The following SH3RF1 variants were observed in gnomAD, a reference collection of about 807,000 sequenced individuals.
The protein encoded by SH3RF1 is E3 ubiquitin-protein ligase SH3RF1.
A neutral mutation model predicts 74.0 loss-of-function variants in SH3RF1; 32 were observed. The observed-to-expected ratio is 0.43, with a 90% CI of 0.33 to 0.58. The LOEUF (loss-of-function observed/expected upper bound fraction) is 0.58, where lower values mean the gene tolerates loss of function less well. SH3RF1 is among the 20% of genes least tolerant of loss of function. The pLI is 0.05. For missense variants in SH3RF1, 954 were observed against 1,130.9 expected (o/e 0.84, Z 2.24); for synonymous variants, 396 against 439.6 (o/e 0.90, Z 1.24).
At chr4:169,183,383 T>TG (rs1734546566) in intron 2 of SH3RF1, among the ~76,000 whole-genome samples, 2 of 152,032 alleles carry the variant, frequency 1.3e-5, no homozygotes, top group African/African-American at 4.8e-5. Context: ...CGGGTTCAAG[T>TG]GATTCTCCTG....
At chr4:169,164,725 G>A (rs1316300360) in intron 2 of SH3RF1, among the ~76,000 whole-genome samples, 4 of 152,196 alleles carry the variant, frequency 2.6e-5, no homozygotes, top group Non-Finnish European at 5.9e-5. Context: ...GGGCAGTTGA[G>A]TGTCTTATAC....
chr4:169,098,905 C>T (rs931025674), intron 11 of SH3RF1, among the ~76,000 whole-genome samples: 1 of 152,144 alleles, frequency 6.6e-6, no homozygotes, highest in Admixed American at 6.5e-5. Flanking sequence ...AATATTAGCT[C>T]CCATTATGAT....
chr4:169,128,313 T>A (rs560316140), intron 6 of SH3RF1, among the ~76,000 whole-genome samples: 1 of 152,194 alleles, frequency 6.6e-6, no homozygotes, highest in African/African-American at 2.4e-5. Flanking sequence ...GAAACCAAAT[T>A]TCACTAAAAG....
chr4:169,146,054 A>G (rs111361208), intron 4 of SH3RF1, among the ~76,000 whole-genome samples: 1 of 98,498 alleles, frequency 1.0e-5, no homozygotes, highest in Admixed American at 9.0e-5. Context: ...TATATAAAAT[A>G]TTATATATTC....
At chr4:169,150,151 T>TA (rs1478980908) in intron 4 of SH3RF1, among the ~76,000 whole-genome samples, 2 of 152,196 alleles carry the variant, frequency 1.3e-5, no homozygotes, top group Non-Finnish European at 2.9e-5. Context: ...TTCTAGAAAG[T>TA]GAATACAACT....
intron 11 of SH3RF1, among the ~76,000 whole-genome samples, 199 bp downstream of exon 11, chr4:169,106,648 C>T (rs1733143741): frequency 1.3e-5 from 2 of 152,020 alleles, no homozygotes; most frequent in African/African-American, 4.8e-5. Context: ...GGGACCAACC[C>T]ATTAAGAAAC....
intron 2 of SH3RF1, chr4:169,166,912 T>C (rs1734255016): frequency 7.4e-6 from 2 of 270,546 alleles, no homozygotes; most frequent in African/African-American, 2.2e-5. Flanking sequence ...TGTTGCTTAC[T>C]TCAAGAAGAG....
At chr4:169,158,422 A>G (rs926418506) in intron 2 of SH3RF1, among the ~76,000 whole-genome samples, 1 of 152,212 alleles carries the variant, frequency 6.6e-6, no homozygotes, top group African/African-American at 2.4e-5. Flanking sequence ...GTATTCCTGG[A>G]TAAGAATTAC....
chr4:169,201,566 T>C (rs141814650), intron 2 of SH3RF1, among the ~76,000 whole-genome samples: 16 of 152,340 alleles, frequency 1.1e-4, no homozygotes, highest in African/African-American at 2.9e-4. Flanking sequence ...AGTGTGTTCA[T>C]CTCAAATCTA....
At chr4:169,103,664 T>G (rs561654319) in intron 11 of SH3RF1, among the ~76,000 whole-genome samples, 1 of 152,218 alleles carries the variant, frequency 6.6e-6, no homozygotes, top group Non-Finnish European at 1.5e-5. Flanking sequence ...CATTTTCCTA[T>G]ATGTTACCGC....
intron 2 of SH3RF1, among the ~76,000 whole-genome samples, chr4:169,234,624 G>A (rs1245892390): frequency 2.0e-5 from 3 of 152,144 alleles, no homozygotes; most frequent in African/African-American, 7.2e-5. Context: ...TCACAGCACA[G>A]CTTTGGTAGA....
intron 11 of SH3RF1, among the ~76,000 whole-genome samples, chr4:169,101,321 AC>A (rs1406024645): frequency 2.0e-5 from 3 of 152,244 alleles, no homozygotes; most frequent in African/African-American, 4.8e-5. Context: ...ACAGGGATGA[AC>A]CTTGCAAACG....
intron 10 of SH3RF1, among the ~76,000 whole-genome samples, chr4:169,109,840 T>C (rs1733210080): frequency 6.7e-6 from 1 of 150,122 alleles, no homozygotes; most frequent in Admixed American, 6.6e-5. Context: ...GGAAACCCTG[T>C]CTCTACAAAA....
rs1732890675 is a variant in SH3RF1, at chr4:169,095,011, T to C, written c.*1508A>G. The C allele has an allele frequency of 6.6e-6, 1 of 152,616 alleles. No homozygotes were observed. Among genetic ancestry groups the C allele is most frequent in the Non-Finnish European group, 1.5e-5 (1 of 68,028 alleles). The allele number at this position is 152,616 out of a possible 1,614,324, so 9.5% of individuals were successfully genotyped here. A position where few individuals can be genotyped will look rare whatever the true frequency, so the allele number is the denominator to read the frequency against. On this transcript the variant is annotated 3_prime_UTR_variant, in exon 12 of 12. Transcript: ENST00000284637. ...ACCAGGCTGTCTTCCCTCCTTTTGTTTTCCGGACTACCCAGATCCATGACT... is the reference window on the plus strand; with the variant it reads ...ACCAGGCTGTCTTCCCTCCTTTTGTCTTCCGGACTACCCAGATCCATGACT...
intron 2 of SH3RF1, among the ~76,000 whole-genome samples, chr4:169,184,864 G>A (rs531225346): frequency 6.6e-6 from 1 of 152,140 alleles, no homozygotes; most frequent in Non-Finnish European, 1.5e-5. Flanking sequence ...AGACAGCAGT[G>A]GGCAAGATTA....
intron 11 of SH3RF1, among the ~76,000 whole-genome samples, chr4:169,104,901 CAAA>C (rs35396121): frequency 2.2e-5 from 2 of 89,116 alleles, no homozygotes; most frequent in Non-Finnish European, 2.3e-5. Context: ...ACTCCCATCT[CAAA>C]AAAAAAAAAA....
At chr4:169,143,603 C>T (rs374594344) in intron 4 of SH3RF1, among the ~76,000 whole-genome samples, 4 of 152,124 alleles carry the variant, frequency 2.6e-5, no homozygotes, top group African/African-American at 4.8e-5. Flanking sequence ...ACATTTCTGA[C>T]GCCTCCTGGG....
At chr4:169,267,267 G>C (rs1579172130) in intron 2 of SH3RF1, among the ~76,000 whole-genome samples, 2 of 152,204 alleles carry the variant, frequency 1.3e-5, no homozygotes, top group African/African-American at 2.4e-5. Context: ...AGGTAAGGCA[G>C]TGTCAACAAC....
rs187725502 is a variant in SH3RF1, at chr4:169,101,907, G to A, written c.2498+4940C>T. On this transcript the variant is annotated intron_variant, in intron 11 of 11. Transcript: ENST00000284637. ...AAGAAACAGAGTCTTGCAATATAAA[G>A]AAGCTCCACAGACTTCCAATGCTAT... Among the ~76,000 whole-genome samples the A allele has an allele frequency of 5.9e-5, 9 of 152,266 alleles. No individual in the cohort carries two copies. The East Asian group carries it at 1.7e-3, about 29-fold the overall frequency.
Sources: allele counts gnomAD v4.1 joint callset (sites outside exome capture counted in the v4.1 genomes callset), GRCh38; gene constraint gnomAD v4.1.1; transcripts MANE v1.5; gene names NCBI Gene and HGNC (gene_info 2026-07-23, HGNC 2026-07-21).